The following CDH13 variants were observed in gnomAD, a reference collection of about 807,000 sequenced individuals.
CDH13 encodes cadherin-13.
In CDH13, 24 loss-of-function variants were observed where a neutral mutation model predicts 63.8. The ratio of observed to expected loss-of-function variants is 0.38; its 90% CI spans 0.27 to 0.53. The LOEUF (loss-of-function observed/expected upper bound fraction) is 0.53, where lower values mean the gene tolerates loss of function less well. CDH13 is among the 20% of genes least tolerant of loss of function. CDH13 has a pLI of 0.85. For missense variants in CDH13, 1,049 were observed against 903.1 expected (o/e 1.16, Z -2.07); for synonymous variants, 503 against 355.3 (o/e 1.42, Z -4.67).
chr16:83,276,912 T>C (rs1453939909), intron 5 of CDH13, among the ~76,000 whole-genome samples: 1 of 152,104 alleles, frequency 6.6e-6, no homozygotes, highest in East Asian at 1.9e-4. Context: ...ACGTAGATGT[T>C]GGCAGGCAGA....
intron 4 of CDH13, 119 bp downstream of exon 4, chr16:83,125,620 A>G (rs1388900574): frequency 2.1e-5 from 12 of 585,050 alleles, no homozygotes; most frequent in Admixed American, 3.1e-5. Flanking sequence ...CTATGATAAG[A>G]GACCAAATGG....
chr16:83,398,035 C>G (rs2091913528), intron 6 of CDH13: 1 of 129,300 alleles, frequency 7.7e-6, no homozygotes, highest in Admixed American at 7.5e-5. Flanking sequence ...ATGTCTTCAG[C>G]CAGCCACAAT....
chr16:83,786,050 G>A (rs913092457), intron 13 of CDH13, among the ~76,000 whole-genome samples: 2 of 152,128 alleles, frequency 1.3e-5, no homozygotes, highest in African/African-American at 4.8e-5. Context: ...AGAAAACCTG[G>A]CACCATCCCT....
chr16:83,155,998 C>T (rs2037193960), intron 4 of CDH13, among the ~76,000 whole-genome samples: 1 of 152,142 alleles, frequency 6.6e-6, no homozygotes, highest in South Asian at 2.1e-4. Flanking sequence ...AGTCCACATG[C>T]AGCCAAGGTT....
intron 3 of CDH13, among the ~76,000 whole-genome samples, chr16:83,120,140 C>T (rs999594171): frequency 6.6e-6 from 1 of 152,094 alleles, no homozygotes; most frequent in Admixed American, 6.5e-5. Context: ...GAACCCTGTC[C>T]CTTCCAGGTA....
At chr16:83,435,161 CT>C (rs931435844) in intron 6 of CDH13, among the ~76,000 whole-genome samples, 83 of 151,768 alleles carry the variant, frequency 5.5e-4, no homozygotes, top group South Asian at 8.3e-4. Context: ...ATTCTCCTGC[CT>C]CAGCCACCTG....
intron 7 of CDH13, among the ~76,000 whole-genome samples, chr16:83,537,293 T>G (rs1049375426): frequency 2.0e-5 from 3 of 152,202 alleles, no homozygotes; most frequent in African/African-American, 7.2e-5. Context: ...GGACAATGAA[T>G]TGGCTGATCT....
intron 6 of CDH13, among the ~76,000 whole-genome samples, chr16:83,401,199 G>T (rs1255081780): frequency 2.0e-5 from 3 of 152,078 alleles, no homozygotes; most frequent in Non-Finnish European, 4.4e-5. Context: ...AAATTGGTGT[G>T]GTGGTGTGTG....
intron 7 of CDH13, among the ~76,000 whole-genome samples, chr16:83,526,080 A>G (rs549343018): frequency 7.9e-5 from 12 of 152,352 alleles, no homozygotes; most frequent in African/African-American, 2.4e-4. Context: ...TGCTGTCGTA[A>G]TTTGTTACAG....
chr16:83,101,898 C>A (rs4411488), intron 3 of CDH13, among the ~76,000 whole-genome samples: 123,457 of 152,132 alleles, frequency 0.81, 51,245 homozygotes, highest in East Asian at 0.96. Context: ...AAGACAGAAC[C>A]AAGGCCCCAG....
intron 7 of CDH13, among the ~76,000 whole-genome samples, chr16:83,582,662 C>T (rs62040176): frequency 0.026 from 3,939 of 152,254 alleles, 68 homozygotes; most frequent in Middle Eastern, 0.13. Context: ...AGCCGTGGGA[C>T]ATTTACCCAA....
intron 5 of CDH13, among the ~76,000 whole-genome samples, chr16:83,282,702 A>T (rs1478488463): frequency 6.6e-6 from 1 of 152,196 alleles, no homozygotes; most frequent in Non-Finnish European, 1.5e-5. Flanking sequence ...GCAAAGAAAT[A>T]AGTTCTTCCA....
At chr16:82,915,291 C>G (rs1236357488) in intron 2 of CDH13, among the ~76,000 whole-genome samples, 2 of 152,196 alleles carry the variant, frequency 1.3e-5, no homozygotes, top group Non-Finnish European at 2.9e-5. Flanking sequence ...AATGCATGCC[C>G]TCCAGTTACA....
intron 6 of CDH13, among the ~76,000 whole-genome samples, chr16:83,447,272 G>A (rs187514165): frequency 2.0e-5 from 3 of 151,356 alleles, no homozygotes; most frequent in Admixed American, 1.3e-4. Flanking sequence ...AAAATTAGCC[G>A]GGCGTGGTGG....
At chr16:82,763,158 C>G (rs946525684) in intron 1 of CDH13, among the ~76,000 whole-genome samples, 1 of 152,130 alleles carries the variant, frequency 6.6e-6, no homozygotes, top group Non-Finnish European at 1.5e-5. Context: ...TTGACCTGCC[C>G]CACCCAGTAT....
At chr16:83,607,702 T>C (rs1271988088) in intron 8 of CDH13, among the ~76,000 whole-genome samples, 2 of 152,252 alleles carry the variant, frequency 1.3e-5, no homozygotes, top group Non-Finnish European at 2.9e-5. Context: ...TTGGAAACGC[T>C]AGTTTTTCTC....
intron 10 of CDH13, among the ~76,000 whole-genome samples, chr16:83,706,908 G>T (rs1177896331): frequency 8.1e-6 from 1 of 123,340 alleles, no homozygotes; most frequent in Non-Finnish European, 1.7e-5. Flanking sequence ...TAAGTCCTGG[G>T]TGGCCTGTCT....
intron 5 of CDH13, among the ~76,000 whole-genome samples, chr16:83,241,869 G>C (rs78856425): frequency 2.0e-5 from 3 of 152,156 alleles, no homozygotes; most frequent in Non-Finnish European, 4.4e-5. Flanking sequence ...TTTTGCTTTT[G>C]TTGTCTGTGC....
intron 5 of CDH13, among the ~76,000 whole-genome samples, chr16:83,250,377 A>G (rs887617670): frequency 6.6e-6 from 1 of 152,178 alleles, no homozygotes; most frequent in East Asian, 1.9e-4. Context: ...CTTAGCTTTC[A>G]CGGTTCACAT....
Sources: gnomAD v4.1 joint callset for allele counts (sites outside exome capture counted in the v4.1 genomes callset) on GRCh38, gnomAD v4.1.1 for gene constraint, MANE v1.5 for transcripts, NCBI Gene and HGNC (gene_info 2026-07-23, HGNC 2026-07-21) for gene names.